Variants in ACTL6B observed in about 807,000 individuals in gnomAD.
ACTL6B encodes the protein actin-like protein 6B.
A neutral mutation model predicts 63.3 loss-of-function variants in ACTL6B; 48 were observed. The ratio of observed to expected loss-of-function variants is 0.76; its 90% CI spans 0.60 to 0.96. The LOEUF (loss-of-function observed/expected upper bound fraction) is 0.96. ACTL6B is among the 50% of genes least tolerant of loss of function. ACTL6B has a pLI of 0.00. For missense variants in ACTL6B, 350 were observed against 572.2 expected (o/e 0.61, Z 3.96); for synonymous variants, 230 against 223.8 (o/e 1.03, Z -0.25).
In ACTL6B at chr7:100,648,368, A is replaced by C; in HGVS notation, c.669+188T>G. The C allele has an allele frequency of 1.8e-6, 1 of 552,448 alleles. No homozygotes were observed. Among genetic ancestry groups the C allele is most frequent in the Non-Finnish European group, 3.2e-6 (1 of 317,426 alleles). 34.2% of individuals were successfully genotyped at this position (552,448 alleles called of 1,614,324 possible). On this transcript the variant is annotated intron_variant, in intron 7 of 13. Transcript: ENST00000160382. The surrounding 1 kb of genome is among the most constrained non-coding windows in gnomAD (Gnocchi z 4.4). ...ATCCTGCTGTCTGCCAGCTGGTTTC[A>C]TGACCTCAGCATATCCCTCAGCCTG...
chr7:100,652,999 C>CAAAAAA lies in ACTL6B; in HGVS notation c.369+2014_369+2019dup, dbSNP rs58707737. 2.7e-3 allele frequency among the ~76,000 whole-genome samples: 69 copies of CAAAAAA among 25,938 alleles called. 4 individuals carry two copies. Among genetic ancestry groups the CAAAAAA allele is most frequent in the Non-Finnish European group, 3.5e-3 (57 of 16,096 alleles). 17.0% of individuals were successfully genotyped at this position (25,938 alleles called of 152,430 possible). A position where few individuals can be genotyped will look rare whatever the true frequency, so the allele number is the denominator to read the frequency against. Reference sequence around the variant, plus strand: ...CTGGTGACAGAGCAAAACTCCGTCTCAAAAAAAAAAAAAAAAAAAAAAAAA... The same window carrying CAAAAAA: ...CTGGTGACAGAGCAAAACTCCGTCTCAAAAAAAAAAAAAAAAAAAAAAAAAAAAAAA... On this transcript the variant is annotated intron_variant, in intron 4 of 13. Transcript: ENST00000160382.
chr7:100,644,426 G>A (rs995962454), intron 13 of ACTL6B, among the ~76,000 whole-genome samples: 4 of 152,008 alleles, frequency 2.6e-5, no homozygotes, highest in South Asian at 2.1e-4. Flanking sequence ...AAATTGAGAC[G>A]TGCTCTAAGT....
In ACTL6B at chr7:100,646,467, A is replaced by G; in HGVS notation, c.1113+84T>C. On this transcript the variant is annotated intron_variant, in intron 12 of 13. Coordinates refer to ENST00000160382, the MANE Select transcript of ACTL6B (RefSeq NM_016188.5). The surrounding 1 kb of genome is among the most constrained non-coding windows in gnomAD (Gnocchi z 6.1). ...TCTGGTGGCCAGAACAGAAGGAAGGACATGGGAAGGATGAAGGGACTCAGT... is the reference window on the plus strand; with the variant it reads ...TCTGGTGGCCAGAACAGAAGGAAGGGCATGGGAAGGATGAAGGGACTCAGT... The G allele has an allele frequency of 1.3e-6, 2 of 1,558,060 alleles. No individual in the cohort carries two copies. Among genetic ancestry groups the G allele is most frequent in the Non-Finnish European group, 1.8e-6 (2 of 1,130,646 alleles).
At chr7:100,649,846 C>G (rs1233176970) in intron 5 of ACTL6B, 192 bp downstream of exon 5, 1 of 549,504 alleles carries the variant, frequency 1.8e-6, no homozygotes. Context: ...GGCCGCTGAT[C>G]TGGCCACCCC....
intron 13 of ACTL6B, among the ~76,000 whole-genome samples, chr7:100,643,798 A>G (rs941879254): frequency 6.6e-6 from 1 of 152,244 alleles, no homozygotes; most frequent in African/African-American, 2.4e-5. Flanking sequence ...CCCCATCTGC[A>G]GCCTTCGGCA....
chr7:100,644,003 G>A (rs997218749), intron 13 of ACTL6B, among the ~76,000 whole-genome samples: 3 of 152,090 alleles, frequency 2.0e-5, no homozygotes, highest in Admixed American at 6.6e-5. Context: ...AGGTTCCAGC[G>A]ATTCTCCTGC....
rs1052897 is a variant in ACTL6B at position 100,643,148 on chromosome 7, A to T, written c.*98T>A. ...CTTTCAACCCAGAAACATCACCATT[A>T]ATGAGGACAAGAGGGAAAGGAGGAG... is the stretch of plus-strand genomic sequence containing the variant. On this transcript the variant is annotated 3_prime_UTR_variant, in exon 14 of 14. Transcript: ENST00000160382. 0.85 allele frequency: 1,051,459 copies of T among 1,240,224 alleles called. 447,348 individuals carry two copies. The highest frequency in any genetic ancestry group is 0.97 in the African/African-American group (65,118 of 67,064). The allele number at this position is 1,240,224 out of a possible 1,614,324, so 76.8% of individuals were successfully genotyped here.
rs1344155497 is a variant in ACTL6B at position 100,655,148 on chromosome 7, C to T, written c.269-29G>A. ...GGGCCAGAAGAGCAGCGTGCAGAGA[C>T]GCAAGAAGGCAGGCAGGGGACAGGG... On this transcript the variant is annotated intron_variant, in intron 3 of 13. Transcript: ENST00000160382. The surrounding 1 kb of genome is among the most constrained non-coding windows in gnomAD (Gnocchi z 4.4). 4 of 1,578,280 alleles carry T rather than the reference C, an allele frequency of 2.5e-6. No individual in the cohort carries two copies. Among genetic ancestry groups the T allele is most frequent in the South Asian group, 1.1e-5 (1 of 90,362 alleles).
intron 1 of ACTL6B, 114 bp downstream of exon 1, chr7:100,656,216 G>T: frequency 8.0e-7 from 1 of 1,243,662 alleles, no homozygotes; most frequent in East Asian, 3.1e-5. Flanking sequence ...CCGAGCCTGA[G>T]ACTCGACCCG....
At chr7:100,654,431 CCATAAT>C (rs966744366) in intron 4 of ACTL6B, among the ~76,000 whole-genome samples, 20 of 103,320 alleles carry the variant, frequency 1.9e-4, no homozygotes, top group Admixed American at 1.5e-3. Context: ...CCAAAGTTGA[CCATAAT>C]AATAATAATA....
intron 4 of ACTL6B, among the ~76,000 whole-genome samples, chr7:100,652,667 T>G (rs114460747): frequency 2.5e-4 from 38 of 151,452 alleles, no homozygotes; most frequent in African/African-American, 8.2e-4. Context: ...ATGAATGATT[T>G]AGGGTTCACA....
Position 100,650,115 on chromosome 7 carries a change from C to A in ACTL6B, c.390G>T (p.Arg130=), listed in dbSNP as rs1442455553. 1 of 1,613,738 alleles carries A rather than the reference C, an allele frequency of 6.2e-7. No homozygotes were observed. The highest frequency in any genetic ancestry group is 8.5e-7 in the Non-Finnish European group (1 of 1,179,974). The part of the protein sequence containing the change: ...SEAPWNTRAK[R]EKLTELMFEQ... ...CGAACATCAGCTCTGTCAGCTTCTC[C>A]CGCTTGGCCCGTGTGTTCCACTGTG... Residue 130 remains arginine, a synonymous_variant, in exon 5 of 14, where the codon CGG becomes CGT. Coordinates refer to ENST00000160382, the MANE Select transcript of ACTL6B (RefSeq NM_016188.5).
chr7:100,655,602 TG>T lies in ACTL6B; in HGVS notation c.103-17del. On this transcript the variant is annotated splice_polypyrimidine_tract_variant and intron_variant, in intron 2 of 13. Coordinates refer to ENST00000160382, the MANE Select transcript of ACTL6B (RefSeq NM_016188.5). This position sits in a 1 kb window ranked among gnomAD's most constrained non-coding sequence, Gnocchi z 4.4. ...GGAAGTCAGCCTGGTGGGGAAGGGT[TG>T]GGGGAGTATTGGCAGGGAGAGAGGT... is the stretch of plus-strand genomic sequence containing the variant. 1 of 1,607,112 alleles carries T rather than the reference TG, an allele frequency of 6.2e-7. No homozygotes were observed. The highest frequency in any genetic ancestry group is 8.5e-7 in the Non-Finnish European group (1 of 1,176,840).
chr7:100,652,377 G>A (rs1320329337), intron 4 of ACTL6B, among the ~76,000 whole-genome samples: 4 of 147,952 alleles, frequency 2.7e-5, no homozygotes, highest in East Asian at 2.0e-4. Flanking sequence ...AGCCGAGATC[G>A]CACCACTGCA....
Position 100,656,363 on chromosome 7 carries a change from C to A in ACTL6B, c.-9G>T. ...TAGACGCCCCCGCTCATAGTGCCCG[C>A]TGCGCTGCTAGCGGCCCGTGGGCGG... On this transcript the variant is annotated 5_prime_UTR_variant, in exon 1 of 14. Transcript: ENST00000160382. 7.4e-7 allele frequency: 1 copy of A among 1,346,552 alleles called. No homozygotes were observed. The highest frequency in any genetic ancestry group is 9.6e-7 in the Non-Finnish European group (1 of 1,043,678). 83.4% of individuals were successfully genotyped at this position (1,346,552 alleles called of 1,614,324 possible).
chr7:100,649,838 C>T, intron 5 of ACTL6B, 200 bp downstream of exon 5: 1 of 533,708 alleles, frequency 1.9e-6, no homozygotes, highest in Non-Finnish European at 3.4e-6. Flanking sequence ...CCGAAAGGGG[C>T]CGCTGATCTG....
chr7:100,647,332 C>G lies in ACTL6B; in HGVS notation c.760-48G>C, dbSNP rs1803843264. On this transcript the variant is annotated intron_variant, in intron 8 of 13. Coordinates refer to ENST00000160382, the MANE Select transcript of ACTL6B (RefSeq NM_016188.5). The surrounding 1 kb of genome is among the most constrained non-coding windows in gnomAD (Gnocchi z 4.4). Reference sequence around the variant, plus strand: ...GAGGGCCTGCCTTCCCCGTGAGCAGCACCCCCTGCCCCGCTCCCCCTCCCT... The same window carrying G: ...GAGGGCCTGCCTTCCCCGTGAGCAGGACCCCCTGCCCCGCTCCCCCTCCCT... The G allele has an allele frequency of 2.5e-6, 4 of 1,607,236 alleles. No homozygotes were observed. The highest frequency in any genetic ancestry group is 2.7e-5 in the African/African-American group (2 of 74,796).
chr7:100,648,852 C>T lies in ACTL6B; in HGVS notation c.468-29G>A, dbSNP rs751760813. ...GCATCGGATGGGTAAGTCAAAGAGA[C>T]AGCAGCAGCAAGTGAGGGGCCTGGG... On this transcript the variant is annotated intron_variant, in intron 5 of 13. Coordinates refer to ENST00000160382, the MANE Select transcript of ACTL6B (RefSeq NM_016188.5). This position sits in a 1 kb window ranked among gnomAD's most constrained non-coding sequence, Gnocchi z 4.4. The T allele has an allele frequency of 1.2e-6, 2 of 1,600,416 alleles. No individual in the cohort carries two copies. The highest frequency in any genetic ancestry group is 3.4e-5 in the Admixed American group (2 of 58,822).
chr7:100,648,940 C>A lies in ACTL6B; in HGVS notation c.468-117G>T, dbSNP rs1238582303. ...TCCAGCCCATCCCCAGTCTGCAAAT[C>A]TCTCCCCCTGGTGATGACTCATCTC... is the stretch of plus-strand genomic sequence containing the variant. On this transcript the variant is annotated intron_variant, in intron 5 of 13. Transcript: ENST00000160382. This position sits in a 1 kb window ranked among gnomAD's most constrained non-coding sequence, Gnocchi z 4.4. The A allele has an allele frequency of 7.3e-6, 7 of 955,098 alleles. No homozygotes were observed. In the African/African-American group the frequency reaches 8.3e-5, roughly 11 times the overall value. The allele number at this position is 955,098 out of a possible 1,614,324, so 59.2% of individuals were successfully genotyped here.
Sources: gnomAD v4.1 joint callset for allele counts (sites outside exome capture counted in the v4.1 genomes callset) on GRCh38, gnomAD v4.1.1 for gene constraint, Gnocchi (gnomAD v3.1) non-coding constraint, MANE v1.5 for transcripts, NCBI Gene and HGNC (gene_info 2026-07-23, HGNC 2026-07-21) for gene names.